Variants in TAFA2 observed in about 807,000 individuals in gnomAD.
The protein encoded by TAFA2 is TAFA chemokine like family member 2, also known as chemokine-like protein TAFA-2.
A neutral mutation model predicts 18.8 loss-of-function variants in TAFA2; 7 were observed. The ratio of observed to expected loss-of-function variants is 0.37; its 90% CI spans 0.21 to 0.70. TAFA2 has a LOEUF of 0.70. TAFA2 is among the 30% of genes least tolerant of loss of function. TAFA2 has a pLI of 0.53. For synonymous variants in TAFA2, 60 were observed against 54.2 expected, an observed-to-expected ratio of 1.11 and a Z score of -0.47; for missense variants, 122 against 158.1, an observed-to-expected ratio of 0.77 and a Z score of 1.23.
intron 1 of TAFA2, among the ~76,000 whole-genome samples, chr12:61,955,633 ATATATATATATATATATAT>A (rs1442421046): frequency 2.3e-4 from 2 of 8,778 alleles, no homozygotes; most frequent in Non-Finnish European, 4.4e-4. Flanking sequence ...AAAAAAAAAA[ATATATATATATATATATAT>A]ATATATATAT....
intron 1 of TAFA2, among the ~76,000 whole-genome samples, chr12:62,228,626 T>C (rs1329421765): frequency 1.3e-5 from 2 of 152,344 alleles, no homozygotes; most frequent in East Asian, 3.9e-4. Context: ...TTTGCACCTC[T>C]CTGATTATAG....
chr12:61,787,126 C>A lies in TAFA2; in HGVS notation c.107-32102G>T, dbSNP rs552514723. Among the ~76,000 whole-genome samples, 60 of 151,456 alleles carry A rather than the reference C, an allele frequency of 4.0e-4. No homozygotes were observed. The South Asian group carries it at 0.012, about 30-fold the overall frequency. Reference sequence around the variant, plus strand: ...TACTCTTTAAGAAACCAACTATAAACCTTGCAGGTCAGGAGAAAATGGGAT... The same window carrying A: ...TACTCTTTAAGAAACCAACTATAAAACTTGCAGGTCAGGAGAAAATGGGAT... On this transcript the variant is annotated intron_variant, in intron 2 of 4. Transcript: ENST00000416284.
chr12:61,971,482 T>C (rs1025629375), intron 1 of TAFA2, among the ~76,000 whole-genome samples: 5 of 149,854 alleles, frequency 3.3e-5, no homozygotes, highest in African/African-American at 1.2e-4. Context: ...AAACTTAAAG[T>C]ATAATAAAAA....
chr12:62,063,470 G>T (rs1441817337), intron 1 of TAFA2, among the ~76,000 whole-genome samples: 1 of 152,020 alleles, frequency 6.6e-6, no homozygotes, highest in Non-Finnish European at 1.5e-5. Flanking sequence ...TATATAGTTT[G>T]GGTTAACCTT....
At chr12:61,718,018 C>A (rs935824792) in intron 4 of TAFA2, among the ~76,000 whole-genome samples, 1 of 152,198 alleles carries the variant, frequency 6.6e-6, no homozygotes, top group Admixed American at 6.5e-5. Context: ...GGCCTAAATT[C>A]TTCAGTGGTA....
At chr12:62,244,697 C>T (rs1053107019) in intron 1 of TAFA2, among the ~76,000 whole-genome samples, 2 of 152,092 alleles carry the variant, frequency 1.3e-5, no homozygotes, top group African/African-American at 4.8e-5. Flanking sequence ...ATCAGCAGAG[C>T]ATTAAAATTC....
chr12:61,848,845 G>T (rs990393875), intron 2 of TAFA2, among the ~76,000 whole-genome samples: 1 of 150,350 alleles, frequency 6.7e-6, no homozygotes, highest in African/African-American at 2.5e-5. Flanking sequence ...TTTATGGTAG[G>T]TACTTTTTTT....
At chr12:61,729,017 A>G (rs1181294466) in intron 4 of TAFA2, among the ~76,000 whole-genome samples, 1 of 144,412 alleles carries the variant, frequency 6.9e-6, no homozygotes, top group Non-Finnish European at 1.5e-5. Context: ...TTCACTGAAT[A>G]CAAAATTCTT....
At chr12:61,882,802 C>T (rs7135878) in intron 1 of TAFA2, among the ~76,000 whole-genome samples, 7,554 of 152,148 alleles carry the variant, frequency 0.05, 621 homozygotes, top group African/African-American at 0.17. Flanking sequence ...TACTTGGATT[C>T]AAGACTTGGT....
chr12:61,756,742 G>A (rs1869291657), intron 2 of TAFA2, among the ~76,000 whole-genome samples: 1 of 152,110 alleles, frequency 6.6e-6, no homozygotes, highest in African/African-American at 2.4e-5. Flanking sequence ...TTTGTAGGAA[G>A]GGAATGCATA....
At chr12:62,171,034 T>A in intron 1 of TAFA2, among the ~76,000 whole-genome samples, 1 of 152,188 alleles carries the variant, frequency 6.6e-6, no homozygotes, top group East Asian at 1.9e-4. Flanking sequence ...CTAACATCAA[T>A]ATATTATTCA....
intron 1 of TAFA2, among the ~76,000 whole-genome samples, chr12:62,217,409 G>A (rs1489499723): frequency 6.6e-6 from 1 of 152,210 alleles, no homozygotes; most frequent in Non-Finnish European, 1.5e-5. Flanking sequence ...AAAGCTCTCT[G>A]CAGTGCAACT....
rs558839472 is a variant in TAFA2, at chr12:61,892,461, C to T, written c.-1-25035G>A. On this transcript the variant is annotated intron_variant, in intron 1 of 4. Coordinates refer to ENST00000416284, the MANE Select transcript of TAFA2 (RefSeq NM_178539.5). ...GGTGCCAGCTAAAATATAAGACATC[C>T]AGTCAAGTTTGAATTTCCAAAGCAG... Among the ~76,000 whole-genome samples, 18 of 152,254 alleles carry T rather than the reference C, an allele frequency of 1.2e-4. No homozygotes were observed. The South Asian group carries it at 3.7e-3, about 32-fold the overall frequency.
intron 1 of TAFA2, among the ~76,000 whole-genome samples, chr12:62,052,190 ATGCGTGCG>A (rs1882072833): frequency 2.0e-5 from 1 of 51,278 alleles, no homozygotes. Flanking sequence ...GCATGTGTGC[ATGCGTGCG>A]TGTGTGCATG....
chr12:61,993,828 G>C (rs757950398), intron 1 of TAFA2, among the ~76,000 whole-genome samples: 2 of 152,158 alleles, frequency 1.3e-5, no homozygotes, highest in Admixed American at 1.3e-4. Context: ...TTTGCCTTGA[G>C]TGCTGCTTCT....
intron 1 of TAFA2, among the ~76,000 whole-genome samples, chr12:62,218,248 C>A (rs924399304): frequency 6.6e-6 from 1 of 152,082 alleles, no homozygotes; most frequent in African/African-American, 2.4e-5. Flanking sequence ...CCTCCCCGCT[C>A]AGCCTCCCAA....
At chr12:61,796,923 TAAC>T (rs1871211417) in intron 2 of TAFA2, among the ~76,000 whole-genome samples, 1 of 152,144 alleles carries the variant, frequency 6.6e-6, no homozygotes, top group African/African-American at 2.4e-5. Flanking sequence ...GAAAAACATC[TAAC>T]AACTAGCAAG....
chr12:62,010,394 G>C (rs1305495208), intron 1 of TAFA2, among the ~76,000 whole-genome samples: 1 of 152,124 alleles, frequency 6.6e-6, no homozygotes, highest in Non-Finnish European at 1.5e-5. Context: ...CTGACCTCGA[G>C]TGGTCTGCCC....
intron 1 of TAFA2, among the ~76,000 whole-genome samples, chr12:62,203,404 G>A (rs1023635847): frequency 5.3e-5 from 8 of 152,156 alleles, no homozygotes; most frequent in African/African-American, 1.9e-4. Context: ...TTAATTTTCT[G>A]TCTCGATCAT....
Sources: allele counts gnomAD v4.1 joint callset (sites outside exome capture counted in the v4.1 genomes callset), GRCh38; gene constraint gnomAD v4.1.1; transcripts MANE v1.5; gene names NCBI Gene and HGNC (gene_info 2026-07-23, HGNC 2026-07-21).